HELZ: variants seen among roughly 807,000 people sequenced by gnomAD.
The protein encoded by HELZ is helicase with zinc finger.
Under a neutral mutation model 218.2 loss-of-function variants are expected in HELZ, and 23 were observed. That is an observed-to-expected ratio of 0.11 (90% CI 0.08 to 0.15). The LOEUF is 0.15. HELZ is among the 10% of genes least tolerant of loss of function. The pLI is 1.00. For missense variants in HELZ, 1,813 were observed against 2,353.7 expected (o/e 0.77, Z 4.75); for synonymous variants, 814 against 829.4 (o/e 0.98, Z 0.32).
intron 23 of HELZ, among the ~76,000 whole-genome samples, chr17:67,130,966 T>C (rs2037962999): frequency 6.6e-6 from 1 of 152,120 alleles, no homozygotes. Flanking sequence ...CACAGCTCAT[T>C]GTAACCTTGA....
intron 28 of HELZ, among the ~76,000 whole-genome samples, chr17:67,113,240 A>C (rs1050100901): frequency 7.2e-5 from 11 of 152,056 alleles, no homozygotes; most frequent in African/African-American, 2.2e-4. Context: ...GACAAGGTCT[A>C]TGTGGTAGTT....
chr17:67,172,849 G>A (rs375978897), intron 13 of HELZ, among the ~76,000 whole-genome samples: 15 of 152,274 alleles, frequency 9.9e-5, no homozygotes, highest in African/African-American at 3.4e-4. Flanking sequence ...CAAAAGACCT[G>A]CCCACCTGGG....
intron 17 of HELZ, among the ~76,000 whole-genome samples, chr17:67,155,590 A>C (rs563078828): frequency 6.6e-6 from 1 of 152,192 alleles, no homozygotes; most frequent in Non-Finnish European, 1.5e-5. Context: ...GCTACCATAC[A>C]CTTTGGGAGG....
At chr17:67,175,191 G>A (rs1341825726) in intron 13 of HELZ, among the ~76,000 whole-genome samples, 1 of 152,016 alleles carries the variant, frequency 6.6e-6, no homozygotes, top group Non-Finnish European at 1.5e-5. Flanking sequence ...CCTTCAAACT[G>A]TTTCCGTATA....
intron 3 of HELZ, among the ~76,000 whole-genome samples, chr17:67,221,906 G>A (rs889445111): frequency 6.6e-5 from 10 of 150,464 alleles, no homozygotes; most frequent in Non-Finnish European, 1.2e-4. Context: ...GTGTAGTCGT[G>A]CAATCATAGC....
intron 3 of HELZ, among the ~76,000 whole-genome samples, chr17:67,235,240 C>T (rs2041145569): frequency 6.6e-6 from 1 of 152,128 alleles, no homozygotes; most frequent in African/African-American, 2.4e-5. Context: ...GGCGCGGTGG[C>T]TCACACCTGT....
At chr17:67,155,909 T>C (rs940782863) in intron 17 of HELZ, among the ~76,000 whole-genome samples, 4 of 150,650 alleles carry the variant, frequency 2.7e-5, no homozygotes, top group Non-Finnish European at 4.4e-5. Context: ...GACATAACAG[T>C]TGATATATGT....
intron 3 of HELZ, among the ~76,000 whole-genome samples, chr17:67,222,606 A>G (rs2040776702): frequency 6.6e-6 from 1 of 152,200 alleles, no homozygotes; most frequent in South Asian, 2.1e-4. Context: ...ACTTAGCTGT[A>G]GTGTGGAACT....
intron 31 of HELZ, among the ~76,000 whole-genome samples, chr17:67,088,342 G>A (rs1701523447): frequency 6.6e-6 from 1 of 152,126 alleles, no homozygotes; most frequent in African/African-American, 2.4e-5. Context: ...TTGGAAATCA[G>A]GAACTGGAGG....
chr17:67,240,069 T>A (rs920180821), intron 2 of HELZ, among the ~76,000 whole-genome samples: 12 of 152,352 alleles, frequency 7.9e-5, no homozygotes, highest in African/African-American at 2.9e-4. Context: ...TCATGCATAT[T>A]TCTTTTAAAA....
chr17:67,215,861 G>A (rs746236786), intron 5 of HELZ, 38 bp downstream of exon 5: 3 of 1,331,368 alleles, frequency 2.3e-6, no homozygotes, highest in South Asian at 1.2e-5. Context: ...CTTAAACATT[G>A]TTCAATTCAA....
chr17:67,218,095 T>C (rs2040652741), intron 4 of HELZ, among the ~76,000 whole-genome samples: 2 of 151,976 alleles, frequency 1.3e-5, no homozygotes, highest in Non-Finnish European at 2.9e-5. Flanking sequence ...CTACCACGCC[T>C]GGCTAATTTT....
intron 23 of HELZ, among the ~76,000 whole-genome samples, chr17:67,135,280 A>AG (rs1405488437): frequency 6.6e-6 from 1 of 152,236 alleles, no homozygotes; most frequent in African/African-American, 2.4e-5. Context: ...GCCTTGAGAG[A>AG]GCAAGACTAC....
At chr17:67,228,774 A>G (rs1446013084) in intron 3 of HELZ, among the ~76,000 whole-genome samples, 2 of 151,994 alleles carry the variant, frequency 1.3e-5, no homozygotes, top group African/African-American at 4.8e-5. Flanking sequence ...GCTGGAGTGC[A>G]ATAACGCAAT....
intron 11 of HELZ, 91 bp downstream of exon 11, chr17:67,189,498 C>A: frequency 2.7e-6 from 2 of 737,300 alleles, no homozygotes; most frequent in South Asian, 1.7e-5. Context: ...AAAATATTTT[C>A]AATATTCTTT....
At chr17:67,178,292 T>C (rs1239115603) in intron 13 of HELZ, among the ~76,000 whole-genome samples, 1 of 152,220 alleles carries the variant, frequency 6.6e-6, no homozygotes, top group Non-Finnish European at 1.5e-5. Flanking sequence ...GTGGTCTCTT[T>C]CGGTTGTTGT....
intron 7 of HELZ, among the ~76,000 whole-genome samples, chr17:67,197,591 G>T (rs2040064906): frequency 6.6e-6 from 1 of 152,144 alleles, no homozygotes; most frequent in African/African-American, 2.4e-5. Flanking sequence ...GGACATCTCA[G>T]CTTTCCAGAG....
chr17:67,107,371 T>C lies in HELZ; in HGVS notation c.5039A>G (p.Asp1680Gly). ...APPPLKYLAP[D>G]GAWTFANLQQ... The stretch of plus-strand genomic sequence containing the variant: ...CAAGTTAGCAAAAGTCCATGCTCCA[T>C]CAGGTGCCAGGTATTTCAAGGGAGG... Residue 1680 changes from aspartate to glycine, a missense_variant, in exon 31 of 33, where the codon GAT (aspartate) becomes GGT (glycine). By Grantham distance (94) the Asp-to-Gly change is moderately conservative. This residue lies in a region of HELZ where 938 missense variants were observed against 1,027.5 expected (regional missense o/e 0.91). Transcript: ENST00000358691. 6.2e-7 allele frequency: 1 copy of C among 1,614,102 alleles called. No homozygotes were observed. Among genetic ancestry groups the C allele is most frequent in the Non-Finnish European group, 8.5e-7 (1 of 1,179,990 alleles).
rs1567821382 is a variant in HELZ, at chr17:67,125,345, T to TATACACAC, written c.3388-1332_3388-1331insGTGTGTAT. ...ATATATATATATATATATATATATA[T>TATACACAC]ACTTGTGAGGAATAGAGACGTGATA... On this transcript the variant is annotated intron_variant, in intron 24 of 32. Transcript: ENST00000358691. 1.3e-4 allele frequency among the ~76,000 whole-genome samples: 10 copies of TATACACAC among 76,070 alleles called. 3 individuals carry two copies. The highest frequency in any genetic ancestry group is 5.3e-4 in the African/African-American group (10 of 18,960). The allele number at this position is 76,070 out of a possible 152,430, so 49.9% of individuals were successfully genotyped here.
Sources: allele counts gnomAD v4.1 joint callset (sites outside exome capture counted in the v4.1 genomes callset), GRCh38; gene constraint gnomAD v4.1.1; regional missense constraint gnomAD v4.1.1; transcripts MANE v1.5; gene names NCBI Gene and HGNC (gene_info 2026-07-23, HGNC 2026-07-21).